ZNF479: variants seen among roughly 807,000 people sequenced by gnomAD.
The protein encoded by ZNF479 is zinc finger protein 479.
Under a neutral mutation model 14.7 loss-of-function variants are expected in ZNF479, and 15 were observed. The ratio of observed to expected loss-of-function variants is 1.02; its 90% CI spans 0.68 to 1.57. The LOEUF (loss-of-function observed/expected upper bound fraction) is 1.57, where lower values mean the gene tolerates loss of function less well. ZNF479 is among the 40% of genes most tolerant of loss of function. The pLI, the probability that ZNF479 is intolerant of heterozygous loss-of-function variation, is 0.00. For missense variants in ZNF479, 506 were observed against 615.1 expected (o/e 0.82, Z 1.88); for synonymous variants, 145 against 211.5 (o/e 0.69, Z 2.73).
upstream of ZNF479, among the ~76,000 whole-genome samples, chr7:57,134,504 C>T (rs1291368250): frequency 1.3e-5 from 2 of 152,120 alleles, no homozygotes; most frequent in African/African-American, 2.4e-5. Context: ...TAATCCACCC[C>T]TTGCTTAGCA....
rs1554399792 is a variant in ZNF479, at chr7:57,119,961, C to A, written c.1454G>T (p.Arg485Ile). The change falls in exon 4 of 4, where the codon AGA becomes ATA. Residue 485 changes from arginine (R) to isoleucine (I), a missense_variant. Transcript: ENST00000319636. ...GTAGGGTTTCTCTCCAGTATGAATTCTCTTATGTTGCATAAGGGTTGAGGA... is the reference window on the plus strand; with the variant it reads ...GTAGGGTTTCTCTCCAGTATGAATTATCTTATGTTGCATAAGGGTTGAGGA... The part of the protein sequence containing the change: ...NCSSTLMQHK[R>I]IHTGEKPYKC... 1.9e-6 allele frequency: 3 copies of A among 1,613,668 alleles called. No homozygotes were observed. The highest frequency in any genetic ancestry group is 1.7e-5 in the Admixed American group (1 of 59,946).
chr7:57,134,200 A>G (rs1224333777), upstream of ZNF479, among the ~76,000 whole-genome samples: 1 of 152,180 alleles, frequency 6.6e-6, no homozygotes, highest in Non-Finnish European at 1.5e-5. Flanking sequence ...CACAGGATAA[A>G]TAGAAGATTG....
upstream of ZNF479, among the ~76,000 whole-genome samples, chr7:57,134,259 A>T (rs1054150109): frequency 6.6e-6 from 1 of 152,208 alleles, no homozygotes; most frequent in African/African-American, 2.4e-5. Context: ...AGTTTGCAGT[A>T]AAGAAGCGAC....
upstream of ZNF479, among the ~76,000 whole-genome samples, chr7:57,135,133 T>A (rs1203574179): frequency 6.6e-6 from 1 of 152,216 alleles, no homozygotes; most frequent in Non-Finnish European, 1.5e-5. Flanking sequence ...ATTGGCTAAC[T>A]TTTTGTAAGT....
chr7:57,129,852 C>A (rs543422836), intron 1 of ZNF479, among the ~76,000 whole-genome samples: 1 of 152,010 alleles, frequency 6.6e-6, no homozygotes, highest in African/African-American at 2.4e-5. Context: ...TGAAAGGATG[C>A]AATTACATAA....
Position 57,121,043 on chromosome 7 carries a change from T to C in ZNF479, c.372A>G (p.Gln124=). 6.2e-7 allele frequency: 1 copy of C among 1,614,036 alleles called. No individual in the cohort carries two copies. The highest frequency in any genetic ancestry group is 1.6e-4 in the Middle Eastern group (1 of 6,062). Residue 124 remains glutamine, a synonymous_variant, in exon 4 of 4, where the codon CAA becomes CAG. Transcript: ENST00000319636. Reference sequence around the variant, plus strand: ...CCACACTTTTACAGCATTTTTTAAATTGTAATTTCTCATGTCCACATTTTC... The same window carrying C: ...CCACACTTTTACAGCATTTTTTAAACTGTAATTTCTCATGTCCACATTTTC... ...TYGKCGHEKL[Q]FKKCCKSVGE...
At chr7:57,132,698 T>C (rs946203167), upstream of ZNF479, among the ~76,000 whole-genome samples, 4 of 152,226 alleles carry the variant, frequency 2.6e-5, no homozygotes, top group African/African-American at 9.6e-5. Context: ...TAATGTCATA[T>C]GCATTTATAA....
At chr7:57,133,992 A>C (rs1379237608), upstream of ZNF479, among the ~76,000 whole-genome samples, 2 of 152,238 alleles carry the variant, frequency 1.3e-5, no homozygotes, top group Non-Finnish European at 2.9e-5. Context: ...AAGCATATAC[A>C]TTTTTGAAGC....
chr7:57,135,038 C>A (rs1046698179), upstream of ZNF479, among the ~76,000 whole-genome samples: 2 of 152,090 alleles, frequency 1.3e-5, no homozygotes, highest in Non-Finnish European at 2.9e-5. Context: ...GAATTGGGGC[C>A]ATTTCTGGAA....
rs782705891 is a variant in ZNF479, at chr7:57,120,906, G to T, written c.509C>A (p.Ser170Ter). 3.1e-6 allele frequency: 5 copies of T among 1,613,696 alleles called. No homozygotes were observed. The highest frequency in any genetic ancestry group is 4.2e-6 in the Non-Finnish European group (5 of 1,179,912). The change falls in exon 4 of 4, where the codon TCA becomes TAA. Residue 170 changes from serine (S) to a stop codon, truncating the protein, a stop_gained. Transcript: ENST00000319636. LOFTEE classifies it low-confidence loss of function (END_TRUNC). ...HKYVKVFGKF[S>*]NSNRDKTRYT... ...TCTTGTTTTATCTCTATTGGAATTT[G>T]AAAATTTACCAAAGACTTTGACATA... is the stretch of plus-strand genomic sequence containing the variant.
intron 1 of ZNF479, among the ~76,000 whole-genome samples, chr7:57,138,570 G>C (rs1417693724): frequency 2.6e-5 from 4 of 152,186 alleles, no homozygotes; most frequent in African/African-American, 9.7e-5. Context: ...GCGCAGCGAT[G>C]ACTCTTATAC....
Position 57,118,178 on chromosome 7 carries a change from C to A in ZNF479, c.*1662G>T, listed in dbSNP as rs1170281432. On this transcript the variant is annotated 3_prime_UTR_variant, in exon 4 of 4. Coordinates refer to ENST00000319636, the MANE Select transcript of ZNF479 (RefSeq NM_001370129.2). ...TTAGACTTTCTCTCCAATATAAATT[C>A]TCTAATGTTCAACAAAGTTTGAGCA... Among the ~76,000 whole-genome samples the A allele has an allele frequency of 3.9e-5, 6 of 152,258 alleles. No individual in the cohort carries two copies. Among genetic ancestry groups the A allele is most frequent in the African/African-American group, 1.2e-4 (5 of 41,476 alleles).
rs567151774 is a variant in ZNF479, at chr7:57,120,520, A to T, written c.895T>A (p.Cys299Ser). Residue 299 changes from cysteine (C) to serine (S), a missense_variant, in exon 4 of 4, where the codon TGT (cysteine) becomes AGT (serine). Physicochemically the swap from Cys to Ser is moderately radical, Grantham distance 112 (BLOSUM62 -1). Around this residue, in one of 3 missense-constraint regions of ZNF479, gnomAD observed 420 missense variants for 474.2 expected, o/e 0.89. Transcript: ENST00000319636. Reference sequence around the variant, plus strand: ...CTAAAGGCTTTGCCACATTCTTCACATTTGTAGGGTCTCTCTCCAGTATGA... The same window carrying T: ...CTAAAGGCTTTGCCACATTCTTCACTTTTGTAGGGTCTCTCTCCAGTATGA... ...RIHTGERPYK[C>S]EECGKAFSVS... is the part of the protein sequence containing the mutation. 124 of 1,612,324 alleles carry T rather than the reference A, an allele frequency of 7.7e-5. No homozygotes were observed. In the East Asian group the frequency reaches 2.6e-3, roughly 34 times the overall value.
intron 1 of ZNF479, among the ~76,000 whole-genome samples, chr7:57,128,722 C>T (rs992161176): frequency 1.3e-5 from 2 of 152,006 alleles, no homozygotes; most frequent in African/African-American, 4.8e-5. Flanking sequence ...ATAAAAATCA[C>T]AAAAAATAGT....
chr7:57,127,451 C>A (rs1786224295), intron 1 of ZNF479: 1 of 691,418 alleles, frequency 1.4e-6, no homozygotes, highest in African/African-American at 1.9e-5. Flanking sequence ...AACTAAAGAT[C>A]TTGTGAGATT....
At chr7:57,125,875 G>C in intron 3 of ZNF479, 143 bp downstream of exon 3, 2 of 1,031,638 alleles carry the variant, frequency 1.9e-6, no homozygotes, top group Non-Finnish European at 2.8e-6. Flanking sequence ...CCCTATGTGA[G>C]AGCAAAAGAA....
intron 3 of ZNF479, among the ~76,000 whole-genome samples, chr7:57,121,764 C>T (rs1785964485): frequency 6.6e-6 from 1 of 151,750 alleles, no homozygotes; most frequent in African/African-American, 2.4e-5. Context: ...AAATCTCAAA[C>T]AAAGATTACA....
chr7:57,131,667 T>G (rs1786428938), intron 1 of ZNF479, among the ~76,000 whole-genome samples: 1 of 152,108 alleles, frequency 6.6e-6, no homozygotes, highest in Non-Finnish European at 1.5e-5. Context: ...AATTAATCTC[T>G]GATGACATAA....
At chr7:57,132,134 T>C in intron 1 of ZNF479, 152 bp downstream of exon 1, 1 of 1,393,898 alleles carries the variant, frequency 7.2e-7, no homozygotes, top group Non-Finnish European at 1.0e-6. Context: ...ATCTTGCGGC[T>C]GGAGGGGACG....
Sources: gnomAD v4.1 joint callset for allele counts (sites outside exome capture counted in the v4.1 genomes callset) on GRCh38, gnomAD v4.1.1 for gene constraint, gnomAD v4.1.1 regional missense constraint, MANE v1.5 for transcripts, NCBI Gene and HGNC (gene_info 2026-07-23, HGNC 2026-07-21) for gene names.